VAT1L: variants seen among roughly 807,000 people sequenced by gnomAD.
VAT1L encodes the protein vesicle amine transport 1 like.
A neutral mutation model predicts 44.1 loss-of-function variants in VAT1L; 34 were observed. The observed-to-expected ratio is 0.77, with a 90% CI of 0.59 to 1.03. The LOEUF (loss-of-function observed/expected upper bound fraction) is 1.03. VAT1L is among the 50% of genes least tolerant of loss of function. The pLI, the probability that VAT1L is intolerant of heterozygous loss-of-function variation, is 0.00. For missense variants in VAT1L, 615 were observed against 538.8 expected, an observed-to-expected ratio of 1.14 and a Z score of -1.40; for synonymous variants, 253 against 202.2, an observed-to-expected ratio of 1.25 and a Z score of -2.13.
intron 8 of VAT1L, among the ~76,000 whole-genome samples, chr16:77,976,449 G>A (rs936241653): frequency 1.3e-5 from 2 of 152,186 alleles, no homozygotes; most frequent in Non-Finnish European, 2.9e-5. Context: ...TGCACATGGT[G>A]TGGCCAAGGG....
chr16:77,963,418 G>C (rs2018185599), intron 7 of VAT1L, among the ~76,000 whole-genome samples: 1 of 152,102 alleles, frequency 6.6e-6, no homozygotes, highest in Non-Finnish European at 1.5e-5. Context: ...GAAAGTCAAG[G>C]AAACAAATTC....
At chr16:77,923,386 G>A (rs1246382924) in intron 7 of VAT1L, among the ~76,000 whole-genome samples, 1 of 152,194 alleles carries the variant, frequency 6.6e-6, no homozygotes, top group Admixed American at 6.5e-5. Flanking sequence ...GGAGGCAGAG[G>A]TTGCAGTGAG....
At chr16:77,886,770 T>C (rs2017213624) in intron 7 of VAT1L, among the ~76,000 whole-genome samples, 2 of 152,182 alleles carry the variant, frequency 1.3e-5, no homozygotes, top group African/African-American at 4.8e-5. Context: ...GGATATACGT[T>C]GGTGAGTGGA....
Position 77,812,788 on chromosome 16 carries a change from C to T in VAT1L, c.234-4133C>T, listed in dbSNP as rs2016287812. Among the ~76,000 whole-genome samples the T allele has an allele frequency of 2.6e-5, 4 of 152,286 alleles. No homozygotes were observed. The South Asian group carries it at 8.3e-4, about 32-fold the overall frequency. On this transcript the variant is annotated intron_variant, in intron 1 of 8. Coordinates refer to ENST00000302536, the MANE Select transcript of VAT1L (RefSeq NM_020927.3). ...AGCTTTTCAGGGTCTCTTTTTCAAA[C>T]CTCTATCTTCATTCCTTCAGGATGC... is the stretch of plus-strand genomic sequence containing the variant.
chr16:77,821,944 A>C (rs1038786283), intron 2 of VAT1L, among the ~76,000 whole-genome samples: 1 of 152,132 alleles, frequency 6.6e-6, no homozygotes, highest in Non-Finnish European at 1.5e-5. Context: ...GAAATAGTAG[A>C]TACAAAAGCA....
intron 3 of VAT1L, among the ~76,000 whole-genome samples, chr16:77,835,329 C>A (rs2016627912): frequency 6.6e-6 from 1 of 152,170 alleles, no homozygotes. Flanking sequence ...TGCTATCCAA[C>A]AGTCTGAATA....
chr16:77,915,895 C>T (rs1223980769), intron 7 of VAT1L, among the ~76,000 whole-genome samples: 1 of 152,162 alleles, frequency 6.6e-6, no homozygotes, highest in Non-Finnish European at 1.5e-5. Flanking sequence ...CTGCGAAGTG[C>T]ATTGTCAAGC....
intron 7 of VAT1L, among the ~76,000 whole-genome samples, chr16:77,906,686 A>G (rs1335006775): frequency 1.3e-5 from 2 of 152,150 alleles, no homozygotes; most frequent in African/African-American, 4.8e-5. Context: ...TAAGGGGGGA[A>G]CGGTCACTCC....
intron 2 of VAT1L, among the ~76,000 whole-genome samples, chr16:77,822,212 G>A (rs1427951149): frequency 6.6e-6 from 1 of 152,128 alleles, no homozygotes; most frequent in African/African-American, 2.4e-5. Flanking sequence ...CTGGCTCACT[G>A]CAAACTCTGC....
At chr16:77,961,633 A>G (rs2018161328) in intron 7 of VAT1L, among the ~76,000 whole-genome samples, 1 of 152,168 alleles carries the variant, frequency 6.6e-6, no homozygotes. Flanking sequence ...CTTTCTCTTA[A>G]GCCCCATACC....
At chr16:77,939,809 G>A (rs1462330125) in intron 7 of VAT1L, among the ~76,000 whole-genome samples, 2 of 152,144 alleles carry the variant, frequency 1.3e-5, no homozygotes, top group Non-Finnish European at 2.9e-5. Context: ...AGAAACTGAT[G>A]AGTTTCCAGG....
intron 3 of VAT1L, among the ~76,000 whole-genome samples, chr16:77,860,089 A>C (rs935202570): frequency 6.6e-6 from 1 of 152,182 alleles, no homozygotes; most frequent in South Asian, 2.1e-4. Context: ...GAATAGGCAC[A>C]TCTACAAGCC....
At chr16:77,894,665 A>T (rs908894911) in intron 7 of VAT1L, among the ~76,000 whole-genome samples, 6 of 152,202 alleles carry the variant, frequency 3.9e-5, no homozygotes, top group Admixed American at 1.3e-4. Context: ...TGAATATGCT[A>T]AAAAAATGGA....
chr16:77,979,898 T>A lies in VAT1L; in HGVS notation c.*2203T>A, dbSNP rs564867278. ...TTTTAAGCACCTTCTTTCCTGTCTC[T>A]TGATTGTTTTTTCTGAAGGAAGTGT... On this transcript the variant is annotated 3_prime_UTR_variant, in exon 9 of 9. Transcript: ENST00000302536. The A allele has an allele frequency of 6.5e-6, 1 of 152,742 alleles. No individual in the cohort carries two copies. Among genetic ancestry groups the A allele is most frequent in the South Asian group, 2.1e-4 (1 of 4,818 alleles). 9.5% of individuals were successfully genotyped at this position (152,742 alleles called of 1,614,324 possible). A position where few individuals can be genotyped will look rare whatever the true frequency, so the allele number is the denominator to read the frequency against.
At chr16:77,917,236 G>A (rs1412584835) in intron 7 of VAT1L, among the ~76,000 whole-genome samples, 1 of 152,112 alleles carries the variant, frequency 6.6e-6, no homozygotes, top group Non-Finnish European at 1.5e-5. Flanking sequence ...ACAAGAGACA[G>A]GAGGTAGGAC....
At chr16:77,881,600 A>G (rs1023530273) in intron 6 of VAT1L, among the ~76,000 whole-genome samples, 1 of 152,262 alleles carries the variant, frequency 6.6e-6, no homozygotes, top group Non-Finnish European at 1.5e-5. Context: ...ATCAGCTTCC[A>G]GAAACATCAG....
At chr16:77,967,503 T>C (rs1032360200) in intron 7 of VAT1L, among the ~76,000 whole-genome samples, 4 of 152,186 alleles carry the variant, frequency 2.6e-5, no homozygotes, top group South Asian at 2.1e-4. Flanking sequence ...AACAAGAGGA[T>C]AGAAATGCAC....
intron 2 of VAT1L, among the ~76,000 whole-genome samples, chr16:77,817,623 G>C (rs546749690): frequency 6.6e-6 from 1 of 152,320 alleles, no homozygotes; most frequent in South Asian, 2.1e-4. Flanking sequence ...GATGGCTTTG[G>C]AAGTAGGGAA....
At chr16:77,926,163 G>T (rs919738338) in intron 7 of VAT1L, among the ~76,000 whole-genome samples, 10 of 150,930 alleles carry the variant, frequency 6.6e-5, no homozygotes, top group African/African-American at 2.4e-4. Context: ...TGAGGCAGGA[G>T]AGTGGCGTGA....
Sources: allele counts gnomAD v4.1 joint callset (sites outside exome capture counted in the v4.1 genomes callset), GRCh38; gene constraint gnomAD v4.1.1; transcripts MANE v1.5; gene names NCBI Gene and HGNC (gene_info 2026-07-23, HGNC 2026-07-21).